RUNX2: variants seen among roughly 807,000 people sequenced by gnomAD.
RUNX2 encodes runt-related transcription factor 2.
In RUNX2, 10 loss-of-function variants were observed where a neutral mutation model predicts 51.7. The observed-to-expected ratio is 0.19, with a 90% confidence interval of 0.12 to 0.33. The LOEUF (loss-of-function observed/expected upper bound fraction) is 0.33. Ranked by LOEUF, RUNX2 falls within the 10% of genes least tolerant of loss-of-function variation. The probability of loss-of-function intolerance (pLI) is 1.00; values close to 1 mark genes in which losing one functional copy is unlikely to be tolerated. For missense variants in RUNX2, 562 were observed against 691.3 expected (o/e 0.81, Z 2.10); for synonymous variants, 276 against 273.6 (o/e 1.01, Z -0.09).
At chr6:45,358,208 A>C (rs1215291131) in intron 2 of RUNX2, among the ~76,000 whole-genome samples, 1 of 151,872 alleles carries the variant, frequency 6.6e-6, no homozygotes, top group Non-Finnish European at 1.5e-5. Flanking sequence ...CCCAGAAAAG[A>C]AGCATTCTAT....
At chr6:45,465,619 CT>C (rs1799607463) in intron 5 of RUNX2, among the ~76,000 whole-genome samples, 1 of 150,680 alleles carries the variant, frequency 6.6e-6, no homozygotes, top group East Asian at 1.9e-4. Flanking sequence ...CTTAATTTTT[CT>C]GTTTTTATTT....
intron 5 of RUNX2, among the ~76,000 whole-genome samples, chr6:45,485,961 A>G (rs1800272393): frequency 6.6e-6 from 1 of 151,912 alleles, no homozygotes; most frequent in Admixed American, 6.6e-5. Flanking sequence ...TTTCAAACAT[A>G]AAAATAAAGA....
chr6:45,484,019 G>A lies in RUNX2; in HGVS notation c.686-7922G>A, dbSNP rs553331024. On this transcript the variant is annotated intron_variant, in intron 5 of 8. Coordinates refer to ENST00000647337, the MANE Select transcript of RUNX2 (RefSeq NM_001024630.4). ...AAGACAATTGAAAGGTTTTGAGCAGGTAAGTGACATGAATGTTAGGATTTG... is the reference window on the plus strand; with the variant it reads ...AAGACAATTGAAAGGTTTTGAGCAGATAAGTGACATGAATGTTAGGATTTG... Among the ~76,000 whole-genome samples, 19 of 152,310 alleles carry A rather than the reference G, an allele frequency of 1.2e-4. No homozygotes were observed. In the South Asian group the frequency reaches 3.9e-3, roughly 32 times the overall value.
At chr6:45,510,803 T>G (rs556452276) in intron 6 of RUNX2, among the ~76,000 whole-genome samples, 1 of 152,168 alleles carries the variant, frequency 6.6e-6, no homozygotes, top group African/African-American at 2.4e-5. Flanking sequence ...TTGTGCTAGT[T>G]TTCTCTTAAT....
chr6:45,423,087 A>C, intron 3 of RUNX2, 130 bp downstream of exon 3: 16 of 1,189,164 alleles, frequency 1.3e-5, no homozygotes, highest in Non-Finnish European at 1.7e-5. Context: ...TAACCCCAGA[A>C]ACCCCCGGCC....
At chr6:45,417,719 G>C (rs969800202) in intron 2 of RUNX2, among the ~76,000 whole-genome samples, 2 of 152,162 alleles carry the variant, frequency 1.3e-5, no homozygotes, top group African/African-American at 2.4e-5. Context: ...TCTGCTTTAG[G>C]TGAAGGCAGC....
intron 6 of RUNX2, among the ~76,000 whole-genome samples, chr6:45,494,744 G>A (rs992787652): frequency 6.6e-6 from 1 of 152,160 alleles, no homozygotes; most frequent in Non-Finnish European, 1.5e-5. Context: ...TGGAGCAGCA[G>A]CAATGCGAAA....
intron 5 of RUNX2, among the ~76,000 whole-genome samples, chr6:45,444,074 T>C (rs1798920481): frequency 6.6e-6 from 1 of 152,156 alleles, no homozygotes; most frequent in Non-Finnish European, 1.5e-5. Flanking sequence ...GATATCGACC[T>C]CCTGACCTCA....
At chr6:45,399,224 G>T (rs1228591833) in intron 2 of RUNX2, among the ~76,000 whole-genome samples, 1 of 151,920 alleles carries the variant, frequency 6.6e-6, no homozygotes, top group Non-Finnish European at 1.5e-5. Context: ...AGCAGAAATT[G>T]AGGAAGATCA....
chr6:45,423,557 C>G (rs540264000), intron 3 of RUNX2, among the ~76,000 whole-genome samples: 1 of 152,188 alleles, frequency 6.6e-6, no homozygotes, highest in African/African-American at 2.4e-5. Flanking sequence ...CCCGGGCTCC[C>G]GTGCCGGGAT....
intron 6 of RUNX2, among the ~76,000 whole-genome samples, chr6:45,495,724 G>A (rs1331565359): frequency 6.6e-6 from 1 of 152,188 alleles, no homozygotes; most frequent in Non-Finnish European, 1.5e-5. Flanking sequence ...GGCAGAAGAC[G>A]TCTTTAAACT....
At chr6:45,534,871 A>T (rs1801982322) in intron 7 of RUNX2, among the ~76,000 whole-genome samples, 1 of 152,258 alleles carries the variant, frequency 6.6e-6, no homozygotes, top group African/African-American at 2.4e-5. Flanking sequence ...ATAGGACAGC[A>T]TTCCCATTTT....
chr6:45,487,493 G>T (rs531845476), intron 5 of RUNX2, among the ~76,000 whole-genome samples: 1 of 152,158 alleles, frequency 6.6e-6, no homozygotes, highest in Non-Finnish European at 1.5e-5. Context: ...GGGTTTTCCA[G>T]AAAGAAAGCA....
intron 6 of RUNX2, among the ~76,000 whole-genome samples, chr6:45,511,421 C>T (rs1274117954): frequency 1.3e-5 from 2 of 152,150 alleles, no homozygotes; most frequent in African/African-American, 2.4e-5. Flanking sequence ...AACATTTCCC[C>T]GTTCTCCTGT....
intron 6 of RUNX2, among the ~76,000 whole-genome samples, chr6:45,511,379 A>C (rs190468711): frequency 6.6e-6 from 1 of 152,268 alleles, no homozygotes; most frequent in Non-Finnish European, 1.5e-5. Flanking sequence ...CAGACATGTG[A>C]CTTCTTCTAA....
chr6:45,375,120 T>C lies in RUNX2; in HGVS notation c.58+46336T>C, dbSNP rs1335011380. On this transcript the variant is annotated intron_variant, in intron 2 of 8. Coordinates refer to ENST00000647337, the MANE Select transcript of RUNX2 (RefSeq NM_001024630.4). ...TACTCGGGAGGCTGAGGCAGGAGAA[T>C]CGCTTGAACCCAGGAGGGGGAGGTT... is the stretch of plus-strand genomic sequence containing the variant. Among the ~76,000 whole-genome samples the C allele has an allele frequency of 3.3e-5, 5 of 152,286 alleles. No homozygotes were observed. In the East Asian group the frequency reaches 9.7e-4, roughly 29 times the overall value.
At chr6:45,456,036 T>C (rs903735356) in intron 5 of RUNX2, among the ~76,000 whole-genome samples, 5 of 152,210 alleles carry the variant, frequency 3.3e-5, no homozygotes, top group Non-Finnish European at 7.3e-5. Context: ...TTATTTCTTT[T>C]TACATTTGAA....
chr6:45,451,743 T>C (rs1362980656), intron 5 of RUNX2, among the ~76,000 whole-genome samples: 1 of 152,204 alleles, frequency 6.6e-6, no homozygotes, highest in African/African-American at 2.4e-5. Flanking sequence ...AATTGTTAAA[T>C]AGTACAGGTT....
intron 2 of RUNX2, among the ~76,000 whole-genome samples, chr6:45,394,217 T>C (rs1797535794): frequency 6.6e-6 from 1 of 152,266 alleles, no homozygotes; most frequent in African/African-American, 2.4e-5. Context: ...TACCACACTC[T>C]TAACCAGATC....
Sources: gnomAD v4.1 joint callset for allele counts (sites outside exome capture counted in the v4.1 genomes callset) on GRCh38, gnomAD v4.1.1 for gene constraint, MANE v1.5 for transcripts, NCBI Gene and HGNC (gene_info 2026-07-23, HGNC 2026-07-21) for gene names.